The following SSBP2 variants were observed in gnomAD, a reference collection of about 807,000 sequenced individuals.
SSBP2 encodes the protein single stranded DNA binding protein 2.
Under a neutral mutation model 61.8 loss-of-function variants are expected in SSBP2, and 17 were observed. The observed-to-expected ratio is 0.28, with a 90% CI of 0.19 to 0.41. The LOEUF is 0.41. Among genes scored for constraint, SSBP2 ranks in the 10% least tolerant of loss-of-function variants. The probability of loss-of-function intolerance (pLI) is 1.00; values close to 1 mark genes in which losing one functional copy is unlikely to be tolerated. For missense variants in SSBP2, 310 were observed against 458.7 expected, an observed-to-expected ratio of 0.68 and a Z score of 2.96; for synonymous variants, 139 against 141.3, an observed-to-expected ratio of 0.98 and a Z score of 0.12.
chr5:81,473,135 T>C (rs927619630), intron 8 of SSBP2, among the ~76,000 whole-genome samples: 1 of 152,226 alleles, frequency 6.6e-6, no homozygotes, highest in Non-Finnish European at 1.5e-5. Context: ...CTGTAATGCA[T>C]ATTCTCATAG....
intron 2 of SSBP2, among the ~76,000 whole-genome samples, chr5:81,638,502 G>A (rs945100928): frequency 6.7e-6 from 1 of 150,256 alleles, no homozygotes; most frequent in Admixed American, 6.6e-5. Context: ...CAGCCTGACA[G>A]AGCAAGACTC....
At chr5:81,605,438 A>T (rs923739219) in intron 4 of SSBP2, among the ~76,000 whole-genome samples, 1 of 152,034 alleles carries the variant, frequency 6.6e-6, no homozygotes, top group Non-Finnish European at 1.5e-5. Flanking sequence ...AAATAAATCA[A>T]CTCTAGTTCC....
intron 4 of SSBP2, among the ~76,000 whole-genome samples, chr5:81,540,051 G>A (rs1189851269): frequency 1.3e-5 from 2 of 152,168 alleles, no homozygotes; most frequent in East Asian, 3.9e-4. Context: ...CTTCGTCCAT[G>A]TCCCTACAAA....
intron 4 of SSBP2, chr5:81,615,257 A>C (rs1158991162): frequency 2.3e-6 from 1 of 442,148 alleles, no homozygotes; most frequent in Non-Finnish European, 4.0e-6. Context: ...TTAATAGCTT[A>C]GAATTAGGCC....
At chr5:81,578,432 CT>C (rs1374858075) in intron 4 of SSBP2, among the ~76,000 whole-genome samples, 1 of 151,766 alleles carries the variant, frequency 6.6e-6, no homozygotes, top group Non-Finnish European at 1.5e-5. Context: ...AAAATTTTTA[CT>C]TATAAAAAGT....
intron 10 of SSBP2, among the ~76,000 whole-genome samples, chr5:81,449,462 G>A (rs945702306): frequency 2.0e-5 from 3 of 152,066 alleles, no homozygotes; most frequent in Non-Finnish European, 2.9e-5. Flanking sequence ...TTTCACACAA[G>A]CTTACTAGCT....
chr5:81,684,525 C>T (rs528498641), intron 1 of SSBP2, among the ~76,000 whole-genome samples: 2 of 152,242 alleles, frequency 1.3e-5, no homozygotes, highest in African/African-American at 4.8e-5. Context: ...TTGGGACCCA[C>T]CTCTTGCATC....
chr5:81,735,157 TTAAATA>T (rs1756515522), intron 1 of SSBP2, among the ~76,000 whole-genome samples: 1 of 152,112 alleles, frequency 6.6e-6, no homozygotes, highest in Admixed American at 6.6e-5. Context: ...GCAAATTATA[TTAAATA>T]TATAGAGATA....
rs1308859516 is a variant in SSBP2 at position 81,650,357 on chromosome 5, T to C, written c.63-18A>G. 2 of 1,486,816 alleles carry C rather than the reference T, an allele frequency of 1.3e-6. No individual in the cohort carries two copies. The highest frequency in any genetic ancestry group is 1.8e-6 in the Non-Finnish European group (2 of 1,098,496). 92.1% of individuals were successfully genotyped at this position (1,486,816 alleles called of 1,614,324 possible). A position where few individuals can be genotyped will look rare whatever the true frequency, so the allele number is the denominator to read the frequency against. On this transcript the variant is annotated intron_variant, in intron 1 of 16. Transcript: ENST00000320672. ...GTGCTAACCTGGAAAACAAATAAAA[T>C]ATTTATTGAGAAGAGGAATATTAAA... is the stretch of plus-strand genomic sequence containing the variant.
chr5:81,635,615 G>A (rs897796762), intron 3 of SSBP2, among the ~76,000 whole-genome samples: 1 of 135,962 alleles, frequency 7.4e-6, no homozygotes, highest in Non-Finnish European at 1.5e-5. Flanking sequence ...ACATTGTCTC[G>A]CTCTGTGGCC....
intron 2 of SSBP2, among the ~76,000 whole-genome samples, chr5:81,649,112 G>C (rs1257114596): frequency 1.3e-5 from 2 of 152,084 alleles, no homozygotes; most frequent in African/African-American, 4.8e-5. Flanking sequence ...ACCTAAGTCT[G>C]AATTCTAGTT....
At chr5:81,671,382 T>C (rs1423011036) in intron 1 of SSBP2, among the ~76,000 whole-genome samples, 4 of 152,118 alleles carry the variant, frequency 2.6e-5, no homozygotes, top group Non-Finnish European at 5.9e-5. Context: ...CCTCTCTTCA[T>C]TAGTCAACTC....
chr5:81,631,634 G>T (rs1747735121), intron 3 of SSBP2, among the ~76,000 whole-genome samples: 1 of 151,966 alleles, frequency 6.6e-6, no homozygotes, highest in Non-Finnish European at 1.5e-5. Context: ...GCAATATTTT[G>T]TGTGTGCGCC....
intron 5 of SSBP2, among the ~76,000 whole-genome samples, chr5:81,510,169 CTAGTT>C (rs1220548918): frequency 1.3e-5 from 2 of 152,106 alleles, no homozygotes; most frequent in Admixed American, 6.5e-5. Flanking sequence ...ATTTTTATCT[CTAGTT>C]TAGATTACTG....
chr5:81,716,223 A>G (rs1581408954), intron 1 of SSBP2, among the ~76,000 whole-genome samples: 1 of 152,258 alleles, frequency 6.6e-6, no homozygotes, highest in East Asian at 1.9e-4. Flanking sequence ...AAATCAGCTA[A>G]AATAGTTGAA....
At chr5:81,533,465 T>C (rs904742735) in intron 4 of SSBP2, among the ~76,000 whole-genome samples, 8 of 152,086 alleles carry the variant, frequency 5.3e-5, no homozygotes, top group African/African-American at 1.9e-4. Flanking sequence ...CTCATAAATG[T>C]AGACACAAAT....
At chr5:81,448,946 G>A (rs950080927) in intron 10 of SSBP2, 121 bp from the exon 11 acceptor site, 20 of 728,040 alleles carry the variant, frequency 2.7e-5, no homozygotes, top group East Asian at 8.4e-5. Flanking sequence ...GTATAGTAAA[G>A]GATAAAAAAA....
At chr5:81,491,961 G>A (rs1286948978) in intron 5 of SSBP2, among the ~76,000 whole-genome samples, 3 of 152,136 alleles carry the variant, frequency 2.0e-5, no homozygotes, top group Admixed American at 6.5e-5. Flanking sequence ...GAATTAGCTT[G>A]CGTAGACACA....
chr5:81,736,732 A>G (rs1347907127), intron 1 of SSBP2, among the ~76,000 whole-genome samples: 1 of 152,230 alleles, frequency 6.6e-6, no homozygotes, highest in Non-Finnish European at 1.5e-5. Context: ...GTGCTCTGTA[A>G]ATAGGGCCTT....
Sources: allele counts gnomAD v4.1 joint callset (sites outside exome capture counted in the v4.1 genomes callset), GRCh38; gene constraint gnomAD v4.1.1; transcripts MANE v1.5; gene names NCBI Gene and HGNC (gene_info 2026-07-23, HGNC 2026-07-21).